Variants in RNF213 observed in about 807,000 individuals in gnomAD.
RNF213 encodes the protein ring finger protein 213.
Under a neutral mutation model 514.4 loss-of-function variants are expected in RNF213, and 341 were observed. The observed-to-expected ratio is 0.66, with a 90% confidence interval of 0.61 to 0.73. The LOEUF (loss-of-function observed/expected upper bound fraction) is 0.73, where lower values mean the gene tolerates loss of function less well. RNF213 is among the 30% of genes least tolerant of loss of function. The pLI is 0.00. For synonymous variants in RNF213, 2,655 were observed against 2,658.2 expected (o/e 1.00, Z 0.04); for missense variants, 5,767 against 6,615.6 (o/e 0.87, Z 4.45).
chr17:80,376,830 C>G (rs377084551), intron 52 of RNF213, 52 bp from the exon 53 acceptor site: 1 of 1,494,650 alleles, frequency 6.7e-7, no homozygotes, highest in Non-Finnish European at 9.3e-7. Flanking sequence ...GCAGCAGCAC[C>G]CAGGTGACAA....
In RNF213 at chr17:80,346,877, C is replaced by A. The variant is rs1390362148; in HGVS notation, c.8542C>A (p.Leu2848Met). 1.9e-6 allele frequency: 3 copies of A among 1,614,030 alleles called. No homozygotes were observed. Among genetic ancestry groups the A allele is most frequent in the African/African-American group, 1.3e-5 (1 of 75,036 alleles). The change falls in exon 29 of 68, where the codon CTG (leucine) becomes ATG (methionine). Residue 2848 changes from leucine to methionine, a missense_variant. Leu to Met is a conservative substitution (Grantham distance 15, BLOSUM62 2). Coordinates refer to ENST00000582970, the MANE Select transcript of RNF213 (RefSeq NM_001256071.3). The surrounding 1 kb of genome is among the most constrained non-coding windows in gnomAD (Gnocchi z 8.1). ...TGTGGTGGTGTTAGATGAGGTGGGG[C>A]TGGCGGAAGACTCACCCAAAATGCC... ...VSVVVLDEVG[L>M]AEDSPKMPLK...
Position 80,376,921 on chromosome 17 carries a change from C to G in RNF213, c.13468C>G (p.Gln4490Glu), listed in dbSNP as rs2079782662. Reference protein sequence around the residue: ...LPTMPEDLLAQARRWKGLERV... With the variant: ...LPTMPEDLLAEARRWKGLERV... ...AACCATGCCTGAAGACTTGCTGGCT[C>G]AAGCTCGGAGGTGGAAGGGTCTGGA... The change falls in exon 53 of 68, where the codon CAA becomes GAA. Residue 4490 changes from glutamine to glutamate, a missense_variant. Gln to Glu is a conservative substitution (Grantham distance 29, BLOSUM62 2). Transcript: ENST00000582970. 1 of 1,614,132 alleles carries G rather than the reference C, an allele frequency of 6.2e-7. No individual in the cohort carries two copies. Among genetic ancestry groups the G allele is most frequent in the Non-Finnish European group, 8.5e-7 (1 of 1,180,020 alleles).
intron 49 of RNF213, 34 bp from the exon 50 acceptor site, chr17:80,374,424 C>A: frequency 6.2e-7 from 1 of 1,613,784 alleles, no homozygotes; most frequent in South Asian, 1.1e-5. Flanking sequence ...ACATTCCTCC[C>A]ATTGTTCACC....
At chr17:80,359,544 AAAAAAAAAGAGT>A (rs1724113465) in intron 37 of RNF213, among the ~76,000 whole-genome samples, 3 of 149,464 alleles carry the variant, frequency 2.0e-5, no homozygotes, top group African/African-American at 7.4e-5. Flanking sequence ...AAAAAAAAAA[AAAAAAAAAGAGT>A]GAGAGAGGGA....
Position 80,397,898 on chromosome 17 carries a change from G to A in RNF213, c.*4400G>A, listed in dbSNP as rs1237294374. The A allele has an allele frequency of 6.8e-6, 1 of 146,462 alleles. No individual in the cohort carries two copies. Among genetic ancestry groups the A allele is most frequent in the Admixed American group, 7.0e-5 (1 of 14,218 alleles). The allele number at this position is 146,462 out of a possible 1,614,324, so 9.1% of individuals were successfully genotyped here. ...GTGGAGGACTCCAGCCAGCTTGAGC[G>A]ACATGGATCCTGAGAGCGCTCTCAG... is the stretch of plus-strand genomic sequence containing the variant. On this transcript the variant is annotated 3_prime_UTR_variant, in exon 68 of 68. Transcript: ENST00000582970.
intron 54 of RNF213, 73 bp from the exon 55 acceptor site, chr17:80,379,547 A>C (rs2079900961): frequency 7.3e-7 from 1 of 1,365,234 alleles, no homozygotes; most frequent in Non-Finnish European, 1.0e-6. Context: ...GGAGGTGTTC[A>C]TTTGCATGAT....
chr17:80,335,575 A>G (rs2077964897), intron 22 of RNF213, among the ~76,000 whole-genome samples: 1 of 152,198 alleles, frequency 6.6e-6, no homozygotes, highest in Non-Finnish European at 1.5e-5. Context: ...TTTTGTTTAA[A>G]TGGTAATGTT....
intron 59 of RNF213, 59 bp from the exon 60 acceptor site, chr17:80,384,980 C>A: frequency 6.3e-7 from 1 of 1,581,236 alleles, no homozygotes. Context: ...AAGTCTGTAA[C>A]CCCAATAACA....
chr17:80,306,712 C>T (rs1019204782), intron 12 of RNF213, among the ~76,000 whole-genome samples: 32 of 152,000 alleles, frequency 2.1e-4, no homozygotes, highest in Admixed American at 8.5e-4. Flanking sequence ...ATTAGCTGGG[C>T]GTGGTGGTGG....
intron 32 of RNF213, chr17:80,352,655 G>C (rs1321333152): frequency 6.6e-6 from 4 of 608,734 alleles, no homozygotes; most frequent in Non-Finnish European, 8.9e-6. Context: ...ATGCATGGGT[G>C]AAAGAACCAC....
At chr17:80,279,056 G>A in intron 3 of RNF213, 1 of 1,064,572 alleles carries the variant, frequency 9.4e-7, no homozygotes, top group Non-Finnish European at 1.3e-6. Flanking sequence ...GGTCACCCTT[G>A]GGCTGTGAAA....
intron 2 of RNF213, among the ~76,000 whole-genome samples, chr17:80,269,652 CCAT>C (rs1324644547): frequency 6.6e-6 from 1 of 151,980 alleles, no homozygotes; most frequent in African/African-American, 2.4e-5. Flanking sequence ...ATCTATTCAT[CCAT>C]CAATCTATCC....
chr17:80,376,973 G>A lies in RNF213; in HGVS notation c.13510+10G>A. Reference sequence around the variant, plus strand: ...CGAGTCCACTGGTACAGTAAGTGTTGGGGTCTAGATGACCCCACACTCCTT... The same window carrying A: ...CGAGTCCACTGGTACAGTAAGTGTTAGGGTCTAGATGACCCCACACTCCTT... On this transcript the variant is annotated intron_variant, in intron 53 of 67. Coordinates refer to ENST00000582970, the MANE Select transcript of RNF213 (RefSeq NM_001256071.3). The A allele has an allele frequency of 6.2e-7, 1 of 1,607,922 alleles. No individual in the cohort carries two copies. The highest frequency in any genetic ancestry group is 1.1e-5 in the South Asian group (1 of 90,772).
chr17:80,273,611 GTC>G (rs151318745), intron 3 of RNF213, among the ~76,000 whole-genome samples: 1 of 132,102 alleles, frequency 7.6e-6, no homozygotes, highest in Admixed American at 7.9e-5. Context: ...GGCCTCCACC[GTC>G]TTTTTTTTTT....
intron 11 of RNF213, among the ~76,000 whole-genome samples, chr17:80,305,342 C>T (rs939353286): frequency 3.3e-5 from 5 of 151,626 alleles, no homozygotes; most frequent in African/African-American, 1.2e-4. Context: ...CCACGCCTGG[C>T]TAATTTAGGA....
At chr17:80,286,173 G>A (rs1364465897) in intron 3 of RNF213, among the ~76,000 whole-genome samples, 1 of 152,178 alleles carries the variant, frequency 6.6e-6, no homozygotes, top group African/African-American at 2.4e-5. Context: ...TCAGCGGTGT[G>A]GTGGGTTGGT....
In RNF213 at chr17:80,381,003, G is replaced by A. The variant is rs2079976108; in HGVS notation, c.13797+16G>A. On this transcript the variant is annotated intron_variant, in intron 56 of 67. Transcript: ENST00000582970. ...GAGTTCCCAGGTATAACCCAGTGCT[G>A]CCAAACAATGGGCTCAGTTAAGAAC... is the stretch of plus-strand genomic sequence containing the variant. 4 of 1,613,832 alleles carry A rather than the reference G, an allele frequency of 2.5e-6. No individual in the cohort carries two copies. The highest frequency in any genetic ancestry group is 2.7e-5 in the African/African-American group (2 of 75,034).
Position 80,347,978 on chromosome 17 carries a change from T to C in RNF213, c.9643T>C (p.Ser3215Pro). The C allele has an allele frequency of 6.2e-7, 1 of 1,614,158 alleles. No individual in the cohort carries two copies. Among genetic ancestry groups the C allele is most frequent in the African/African-American group, 1.3e-5 (1 of 75,064 alleles). The change falls in exon 29 of 68, where the codon TCT becomes CCT. Residue 3215 changes from serine to proline, a missense_variant. Ser to Pro is a moderately conservative substitution (Grantham distance 74, BLOSUM62 -1). Around this residue, in one of 13 missense-constraint regions of RNF213, gnomAD observed 919 missense variants for 1,121.0 expected, o/e 0.82. Coordinates refer to ENST00000582970, the MANE Select transcript of RNF213 (RefSeq NM_001256071.3). This position sits in a 1 kb window ranked among gnomAD's most constrained non-coding sequence, Gnocchi z 7.2. ...HFQKRHKYSP[S>P]DVFIGYHSDA... The stretch of plus-strand genomic sequence containing the variant: ...CCAGAAGAGGCACAAATACAGCCCC[T>C]CTGACGTCTTCATCGGCTACCACTC...
chr17:80,344,481 A>G (rs960848776), intron 28 of RNF213, among the ~76,000 whole-genome samples, 197 bp from the exon 29 acceptor site: 3 of 152,228 alleles, frequency 2.0e-5, no homozygotes, highest in African/African-American at 7.2e-5. Flanking sequence ...CTGGCTCAGA[A>G]CGCAGCTCCC....
Sources: gnomAD v4.1 joint callset for allele counts (sites outside exome capture counted in the v4.1 genomes callset) on GRCh38, gnomAD v4.1.1 for gene constraint, gnomAD v4.1.1 regional missense constraint, Gnocchi (gnomAD v3.1) non-coding constraint, MANE v1.5 for transcripts, NCBI Gene and HGNC (gene_info 2026-07-23, HGNC 2026-07-21) for gene names.